NUMA1: variants seen among roughly 807,000 people sequenced by gnomAD.
The protein encoded by NUMA1 is nuclear mitotic apparatus protein 1.
Under a neutral mutation model 237.1 loss-of-function variants are expected in NUMA1, and 62 were observed. The ratio of observed to expected loss-of-function variants is 0.26; its 90% CI spans 0.21 to 0.32. The LOEUF (loss-of-function observed/expected upper bound fraction) is 0.32. Among genes scored for constraint, NUMA1 ranks in the 10% least tolerant of loss-of-function variants. The probability of loss-of-function intolerance (pLI) is 1.00; values close to 1 mark genes in which losing one functional copy is unlikely to be tolerated. For missense variants in NUMA1, 2,533 were observed against 2,666.5 expected, an observed-to-expected ratio of 0.95 and a Z score of 1.10; for synonymous variants, 1,028 against 1,066.1, an observed-to-expected ratio of 0.96 and a Z score of 0.70.
In NUMA1 at chr11:72,034,034, G is replaced by C. The variant is rs577667360; in HGVS notation, c.42+1868C>G. On this transcript the variant is annotated intron_variant, in intron 3 of 26. Coordinates refer to ENST00000393695, the MANE Select transcript of NUMA1 (RefSeq NM_006185.4). ...GGGGGCTGAGGTAGAAGGATGGCTT[G>C]AGCCCCAAAGTTTGAGGTTACAATG... Among the ~76,000 whole-genome samples the C allele has an allele frequency of 1.1e-4, 16 of 152,222 alleles. No homozygotes were observed. The East Asian group carries it at 3.1e-3, about 29-fold the overall frequency.
In NUMA1 at chr11:72,016,218, T is replaced by G; in HGVS notation, c.1285A>C (p.Asn429His). Residue 429 changes from asparagine to histidine, a missense_variant, in exon 15 of 27, where the codon AAC becomes CAC. By Grantham distance (68) the Asn-to-His change is moderately conservative. Around this residue, in one of 3 missense-constraint regions of NUMA1, gnomAD observed 1,414 missense variants for 1,508.1 expected, o/e 0.94. Transcript: ENST00000393695. ...TCTACCCTGGCTTGGAGCTGTGTGTTGTTTGCAGCAAGAGTGGCTGCCTCT... is the reference window on the plus strand; with the variant it reads ...TCTACCCTGGCTTGGAGCTGTGTGTGGTTTGCAGCAAGAGTGGCTGCCTCT... ...KQEAATLAAN[N>H]TQLQARVEML... 6.2e-7 allele frequency: 1 copy of G among 1,603,866 alleles called. No individual in the cohort carries two copies. The highest frequency in any genetic ancestry group is 8.5e-7 in the Non-Finnish European group (1 of 1,172,012).
chr11:72,023,037 C>A (rs1437804250), intron 6 of NUMA1, 28 bp downstream of exon 6: 4 of 1,572,576 alleles, frequency 2.5e-6, no homozygotes, highest in East Asian at 4.5e-5. Flanking sequence ...CCCTGCCCTG[C>A]CTCCCCAGTC....
In NUMA1 at chr11:72,015,113, T is replaced by C. The variant is rs2135016636; in HGVS notation, c.2390A>G (p.His797Arg). Residue 797 changes from histidine to arginine, a missense_variant, in exon 15 of 27, where the codon CAC becomes CGC. Around this residue, in one of 3 missense-constraint regions of NUMA1, gnomAD observed 1,414 missense variants for 1,508.1 expected, o/e 0.94. Coordinates refer to ENST00000393695, the MANE Select transcript of NUMA1 (RefSeq NM_006185.4). This position sits in a 1 kb window ranked among gnomAD's most constrained non-coding sequence, Gnocchi z 4.0. ...CTGCTCACACTCACTCTCAGCTGTG[T>C]GCTGGGCAGCCATGGCCTCTGCCAG... Reference protein sequence around the residue: ...RELAEAMAAQHTAESECEQLV... With the variant: ...RELAEAMAAQRTAESECEQLV... 4 of 1,613,638 alleles carry C rather than the reference T, an allele frequency of 2.5e-6. No individual in the cohort carries two copies. The highest frequency in any genetic ancestry group is 3.4e-6 in the Non-Finnish European group (4 of 1,180,032).
Position 72,022,415 on chromosome 11 carries a change from G to A in NUMA1, c.296C>T (p.Thr99Ile). The A allele has an allele frequency of 6.2e-7, 1 of 1,612,332 alleles. No individual in the cohort carries two copies. The highest frequency in any genetic ancestry group is 8.5e-7 in the Non-Finnish European group (1 of 1,178,760). The change falls in exon 7 of 27, where the codon ACC becomes ATC. Residue 99 changes from threonine to isoleucine, a missense_variant. Around this residue, in one of 3 missense-constraint regions of NUMA1, gnomAD observed 1,414 missense variants for 1,508.1 expected, o/e 0.94. Transcript: ENST00000393695. ...EGSELELAKMTMLLLYHSTMS... is the reference protein window; with the variant it reads ...EGSELELAKMIMLLLYHSTMS... Reference sequence around the variant, plus strand: ...GGTAGAGTGGTATAAGAGCAGCATGGTCATCTAGAAGCCAAACAGGAGGCA... The same window carrying A: ...GGTAGAGTGGTATAAGAGCAGCATGATCATCTAGAAGCCAAACAGGAGGCA...
At chr11:72,062,952 C>G (rs778364139) in intron 2 of NUMA1, among the ~76,000 whole-genome samples, 30 of 152,076 alleles carry the variant, frequency 2.0e-4, no homozygotes, top group Non-Finnish European at 4.3e-4. Context: ...GCCTGTCATC[C>G]TAGCTACTCG....
chr11:72,044,150 C>CACA (rs1941859114), intron 2 of NUMA1, among the ~76,000 whole-genome samples: 2 of 152,234 alleles, frequency 1.3e-5, no homozygotes, highest in Admixed American at 1.3e-4. Flanking sequence ...TTGCCAAGAT[C>CACA]ACATAGCAAG....
chr11:72,025,342 A>G (rs1336871639), intron 4 of NUMA1, among the ~76,000 whole-genome samples: 1 of 151,932 alleles, frequency 6.6e-6, no homozygotes, highest in Non-Finnish European at 1.5e-5. Flanking sequence ...AACCCAAGCG[A>G]CAGAGATTAC....
At position 72,014,250 on chromosome 11, in the gene NUMA1, G is replaced by C. The variant is rs752711207; in HGVS notation, c.3253C>G (p.Gln1085Glu). The C allele has an allele frequency of 2.5e-6, 4 of 1,613,880 alleles. No homozygotes were observed. In the African/African-American group the frequency reaches 5.3e-5, roughly 22 times the overall value. ...TGTTCCTTCAGTTGCTTCACGGTTT[G>C]CCGAAGTTCCTCCAGCTCTTTTATC... ...AQIKELEELR[Q>E]TVKQLKEQLA... Residue 1085 changes from glutamine (Q) to glutamate (E), a missense_variant, in exon 15 of 27, where the codon CAA becomes GAA. Coordinates refer to ENST00000393695, the MANE Select transcript of NUMA1 (RefSeq NM_006185.4). The surrounding 1 kb of genome is among the most constrained non-coding windows in gnomAD (Gnocchi z 4.6).
rs1955399425 is a variant in NUMA1 at position 72,003,456 on chromosome 11, G to A, written c.*71C>T. On this transcript the variant is annotated 3_prime_UTR_variant, in exon 27 of 27. Transcript: ENST00000393695. ...GGAGCTGAGAGAAGGCACTGAGAGGGACAGTAGGCGGAGGACCAGGTGAGG... is the reference window on the plus strand; with the variant it reads ...GGAGCTGAGAGAAGGCACTGAGAGGAACAGTAGGCGGAGGACCAGGTGAGG... 1 of 1,464,810 alleles carries A rather than the reference G, an allele frequency of 6.8e-7. No individual in the cohort carries two copies. The highest frequency in any genetic ancestry group is 9.6e-7 in the Non-Finnish European group (1 of 1,043,214). The allele number at this position is 1,464,810 out of a possible 1,614,324, so 90.7% of individuals were successfully genotyped here. A position where few individuals can be genotyped will look rare whatever the true frequency, so the allele number is the denominator to read the frequency against.
chr11:72,056,520 C>G (rs1415237246), intron 2 of NUMA1, among the ~76,000 whole-genome samples: 1 of 150,754 alleles, frequency 6.6e-6, no homozygotes, highest in African/African-American at 2.4e-5. Context: ...CAGGGTTTTA[C>G]TATGTTGGCC....
chr11:72,076,074 G>A (rs186696631), intron 1 of NUMA1, among the ~76,000 whole-genome samples: 102 of 152,326 alleles, frequency 6.7e-4, no homozygotes, highest in African/African-American at 1.9e-3. Flanking sequence ...GGGAAAAACC[G>A]TCTAGGAATT....
In NUMA1 at chr11:72,003,979, T is replaced by C. The variant is rs1474736868; in HGVS notation, c.6244A>G (p.Ser2082Gly). The C allele has an allele frequency of 6.2e-7, 1 of 1,612,924 alleles. No individual in the cohort carries two copies. Among genetic ancestry groups the C allele is most frequent in the Non-Finnish European group, 8.5e-7 (1 of 1,179,592 alleles). The part of the protein sequence containing the change: ...ALSKASPNTR[S>G]GTRRSPRIAT... ...ATGCGCGGAGAACGGCGGGTTCCAC[T>C]GCGAGTGTTGGGGGAAGCCTTGGAC... The change falls in exon 26 of 27, where the codon AGT (serine) becomes GGT (glycine). Residue 2082 changes from serine to glycine, a missense_variant. Coordinates refer to ENST00000393695, the MANE Select transcript of NUMA1 (RefSeq NM_006185.4).
At chr11:72,006,933 C>T (rs943777064) in intron 21 of NUMA1, among the ~76,000 whole-genome samples, 1 of 152,232 alleles carries the variant, frequency 6.6e-6, no homozygotes, top group Non-Finnish European at 1.5e-5. Flanking sequence ...CTCCCTTCAC[C>T]CTGCACAGGC....
At chr11:72,003,836 G>C (rs376053781) in intron 26 of NUMA1, 51 bp downstream of exon 26, 1 of 1,579,872 alleles carries the variant, frequency 6.3e-7, no homozygotes, top group Non-Finnish European at 8.7e-7. Context: ...GGTCTGGGGG[G>C]TGCCCATGCT....
Position 72,018,590 on chromosome 11 carries a change from G to T in NUMA1, c.743-77C>A. The T allele has an allele frequency of 2.3e-6, 3 of 1,319,608 alleles. No individual in the cohort carries two copies. The Admixed American group carries it at 5.3e-5, about 23-fold the overall frequency. 81.7% of individuals were successfully genotyped at this position (1,319,608 alleles called of 1,614,324 possible). A position where few individuals can be genotyped will look rare whatever the true frequency, so the allele number is the denominator to read the frequency against. Reference sequence around the variant, plus strand: ...CGGAACTATGTGCACAGAACTATGTGCACAAGGGGAAGGGAGGAGACGGCA... The same window carrying T: ...CGGAACTATGTGCACAGAACTATGTTCACAAGGGGAAGGGAGGAGACGGCA... On this transcript the variant is annotated intron_variant, in intron 10 of 26. Coordinates refer to ENST00000393695, the MANE Select transcript of NUMA1 (RefSeq NM_006185.4).
At chr11:72,024,423 G>T (rs1052809329) in intron 4 of NUMA1, 70 bp from the exon 5 acceptor site, 10 of 1,317,286 alleles carry the variant, frequency 7.6e-6, no homozygotes, top group African/African-American at 1.4e-5. Flanking sequence ...GCATTTCATA[G>T]TACCTCCCCA....
chr11:72,005,951 T>G (rs1167464621), intron 22 of NUMA1, 84 bp downstream of exon 22: 1 of 1,212,312 alleles, frequency 8.2e-7, no homozygotes, highest in African/African-American at 1.5e-5. Flanking sequence ...CTTGGATTTT[T>G]AAAAAGCTTT....
Position 72,029,149 on chromosome 11 carries a change from C to G in NUMA1, c.128+56G>C, listed in dbSNP as rs1483810749. The G allele has an allele frequency of 1.1e-5, 14 of 1,282,310 alleles. No individual in the cohort carries two copies. In the Admixed American group the frequency reaches 2.2e-4, roughly 21 times the overall value. The allele number at this position is 1,282,310 out of a possible 1,614,324, so 79.4% of individuals were successfully genotyped here. On this transcript the variant is annotated intron_variant, in intron 4 of 26. Coordinates refer to ENST00000393695, the MANE Select transcript of NUMA1 (RefSeq NM_006185.4). ...AAGTAAAGAGAACAAGTACAGCCCC[C>G]ACCCCAGCAATCAGCTTTGCCTTAG...
intron 3 of NUMA1, among the ~76,000 whole-genome samples, chr11:72,031,306 A>AG (rs1392638181): frequency 6.6e-6 from 1 of 152,108 alleles, no homozygotes; most frequent in African/African-American, 2.4e-5. Context: ...AAAAAAAAAA[A>AG]GAAAAAAGAA....
Sources: allele counts gnomAD v4.1 joint callset (sites outside exome capture counted in the v4.1 genomes callset), GRCh38; gene constraint gnomAD v4.1.1; regional missense constraint gnomAD v4.1.1; non-coding constraint Gnocchi (gnomAD v3.1); transcripts MANE v1.5; gene names NCBI Gene and HGNC (gene_info 2026-07-23, HGNC 2026-07-21).